Variants in HSF2 observed in about 807,000 individuals in gnomAD.
The protein encoded by HSF2 is heat shock transcription factor 2.
HSF2 carries 21 observed loss-of-function variants against 65.0 expected under a neutral mutation model. That is an observed-to-expected ratio of 0.32 (90% CI 0.23 to 0.47). The LOEUF (loss-of-function observed/expected upper bound fraction) is 0.47, where lower values mean the gene tolerates loss of function less well. HSF2 is among the 20% of genes least tolerant of loss of function. HSF2 has a pLI of 1.00. For missense variants in HSF2, 499 were observed against 628.1 expected (o/e 0.79, Z 2.20); for synonymous variants, 225 against 219.1 (o/e 1.03, Z -0.24).
chr6:122,407,068 G>C lies in HSF2; in HGVS notation c.94-5305G>C, dbSNP rs565013053. Among the ~76,000 whole-genome samples the C allele has an allele frequency of 2.0e-5, 3 of 152,254 alleles. No homozygotes were observed. In the South Asian group the frequency reaches 6.2e-4, roughly 32 times the overall value. On this transcript the variant is annotated intron_variant, in intron 1 of 12. Coordinates refer to ENST00000368455, the MANE Select transcript of HSF2 (RefSeq NM_004506.4). Reference sequence around the variant, plus strand: ...GTGAAGATAGAAGGAACCAAAAGATGTATTATTCCAACATTTAGAGAGTAT... The same window carrying C: ...GTGAAGATAGAAGGAACCAAAAGATCTATTATTCCAACATTTAGAGAGTAT...
intron 11 of HSF2, among the ~76,000 whole-genome samples, chr6:122,429,199 T>C (rs984775455): frequency 5.3e-5 from 8 of 152,084 alleles, no homozygotes; most frequent in South Asian, 2.1e-4. Context: ...CTGAATGTTA[T>C]TCTCATGGAC....
chr6:122,432,257 C>G lies in HSF2; in HGVS notation c.*37C>G. 6.9e-7 allele frequency: 1 copy of G among 1,455,574 alleles called. No individual in the cohort carries two copies. The allele number at this position is 1,455,574 out of a possible 1,614,324, so 90.2% of individuals were successfully genotyped here. On this transcript the variant is annotated 3_prime_UTR_variant, in exon 13 of 13. Transcript: ENST00000368455. The stretch of plus-strand genomic sequence containing the variant: ...GTGGACTTTACATGTATATATTCAT[C>G]AAAATGATGAACTATTTATTTTAAA...
intron 3 of HSF2, 25 bp from the exon 4 acceptor site, chr6:122,413,500 A>T: frequency 6.6e-7 from 1 of 1,522,808 alleles, no homozygotes; most frequent in Non-Finnish European, 9.0e-7. Context: ...TGTTTCTTTG[A>T]TTTTCTAAAT....
chr6:122,412,900 C>T (rs1338973178), intron 3 of HSF2, 136 bp downstream of exon 3: 5 of 798,112 alleles, frequency 6.3e-6, no homozygotes, highest in African/African-American at 1.8e-5. Context: ...TAAAGTTTTA[C>T]TTGTTTCCCT....
At chr6:122,421,844 G>A (rs1774241405) in intron 7 of HSF2, among the ~76,000 whole-genome samples, 2 of 151,932 alleles carry the variant, frequency 1.3e-5, no homozygotes, top group Non-Finnish European at 2.9e-5. Flanking sequence ...TTACTCTTTA[G>A]GCATAAAAAA....
At chr6:122,418,763 C>G (rs998965989) in intron 5 of HSF2, among the ~76,000 whole-genome samples, 1 of 152,146 alleles carries the variant, frequency 6.6e-6, no homozygotes, top group Non-Finnish European at 1.5e-5. Flanking sequence ...TGAGCCACCA[C>G]GCCTGGCCCA....
chr6:122,431,245 A>G (rs1315216838), intron 11 of HSF2, among the ~76,000 whole-genome samples, 185 bp from the exon 12 acceptor site: 2 of 152,086 alleles, frequency 1.3e-5, no homozygotes, highest in Non-Finnish European at 2.9e-5. Flanking sequence ...AGTGACAGCA[A>G]TAGTTCCTTA....
chr6:122,413,836 C>G (rs1223640429), intron 4 of HSF2, among the ~76,000 whole-genome samples, 187 bp downstream of exon 4: 1 of 152,126 alleles, frequency 6.6e-6, no homozygotes, highest in East Asian at 1.9e-4. Context: ...TGACTTTACT[C>G]TAATATTGTT....
At chr6:122,418,388 A>T (rs2114442014) in intron 5 of HSF2, among the ~76,000 whole-genome samples, 1 of 152,316 alleles carries the variant, frequency 6.6e-6, no homozygotes, top group Non-Finnish European at 1.5e-5. Flanking sequence ...CTGTAGTAGG[A>T]TTGAGAATTT....
chr6:122,420,201 A>G lies in HSF2; in HGVS notation c.660A>G (p.Pro220=). The change falls in exon 7 of 13, where the codon CCA becomes CCG. Residue 220 remains proline (P), a synonymous_variant. Coordinates refer to ENST00000368455, the MANE Select transcript of HSF2 (RefSeq NM_004506.4). The stretch of plus-strand genomic sequence containing the variant: ...TGTTTCAGCACATAGTCAAAGAACC[A>G]ACTGATAATCATCATCATAAAGTAA... ...KNLFQHIVKE[P]TDNHHHKVPH... 1 of 1,602,082 alleles carries G rather than the reference A, an allele frequency of 6.2e-7. No homozygotes were observed. Among genetic ancestry groups the G allele is most frequent in the South Asian group, 1.1e-5 (1 of 90,384 alleles).
Position 122,416,225 on chromosome 6 carries a change from A to T in HSF2, c.460A>T (p.Asn154Tyr). 3.1e-6 allele frequency: 5 copies of T among 1,595,802 alleles called. No individual in the cohort carries two copies. Among genetic ancestry groups the T allele is most frequent in the Non-Finnish European group, 4.3e-6 (5 of 1,163,608 alleles). The change falls in exon 5 of 13, where the codon AAT (asparagine) becomes TAT (tyrosine). Residue 154 changes from asparagine to tyrosine, a missense_variant. Coordinates refer to ENST00000368455, the MANE Select transcript of HSF2 (RefSeq NM_004506.4). Reference protein sequence around the residue: ...ESRLSELKSENESLWKEVSEL... With the variant: ...ESRLSELKSEYESLWKEVSEL... ...GCTTAATAAATTATAACATAGTGAG[A>T]ATGAGTCCCTTTGGAAGGAGGTGTC...
intron 5 of HSF2, among the ~76,000 whole-genome samples, chr6:122,418,069 G>C (rs915721711): frequency 6.6e-6 from 1 of 152,100 alleles, no homozygotes; most frequent in African/African-American, 2.4e-5. Context: ...CTGTACAATA[G>C]ATATTTTTAA....
Position 122,407,961 on chromosome 6 carries a change from CAG to C in HSF2, c.94-4387_94-4386del, listed in dbSNP as rs10534323. Reference sequence around the variant, plus strand: ...CCTTCTCTCTGTGTCTTCCCAATGGCAGAGAGAGAGAGAGAGAGAGAGAGAGT... The same window carrying C: ...CCTTCTCTCTGTGTCTTCCCAATGGCAGAGAGAGAGAGAGAGAGAGAGAGT... On this transcript the variant is annotated intron_variant, in intron 1 of 12. Transcript: ENST00000368455. Among the ~76,000 whole-genome samples the C allele has an allele frequency of 3.9e-3, 584 of 149,598 alleles. 3 individuals carry two copies. Among genetic ancestry groups the C allele is most frequent in the South Asian group, 0.018 (84 of 4,712 alleles).
intron 1 of HSF2, among the ~76,000 whole-genome samples, 170 bp downstream of exon 1, chr6:122,400,000 G>C (rs1468471910): frequency 6.6e-6 from 1 of 152,118 alleles, no homozygotes; most frequent in East Asian, 1.9e-4. Context: ...TTCGCTCGGG[G>C]AGCCGCGGGG....
intron 4 of HSF2, among the ~76,000 whole-genome samples, chr6:122,414,509 T>C (rs1774077708): frequency 6.6e-6 from 1 of 152,228 alleles, no homozygotes. Context: ...GTATGTATCT[T>C]GTGTATACTA....
At chr6:122,417,290 A>G (rs1023599570) in intron 5 of HSF2, among the ~76,000 whole-genome samples, 1 of 152,182 alleles carries the variant, frequency 6.6e-6, no homozygotes, top group Non-Finnish European at 1.5e-5. Flanking sequence ...TTGACTTAAA[A>G]CAATAGATGT....
intron 1 of HSF2, among the ~76,000 whole-genome samples, chr6:122,406,703 C>T (rs1343582743): frequency 6.6e-6 from 1 of 152,100 alleles, no homozygotes; most frequent in Non-Finnish European, 1.5e-5. Flanking sequence ...CAGGATAAAT[C>T]CATTTGCTGA....
In HSF2 at chr6:122,412,791, T is replaced by G. The variant is rs759362192; in HGVS notation, c.330+27T>G. 4 of 1,609,884 alleles carry G rather than the reference T, an allele frequency of 2.5e-6. No homozygotes were observed. The African/African-American group carries it at 5.3e-5, about 22-fold the overall frequency. On this transcript the variant is annotated intron_variant, in intron 3 of 12. Coordinates refer to ENST00000368455, the MANE Select transcript of HSF2 (RefSeq NM_004506.4). ...TGAGCTATTGTGAACGTGAGCTAATTAGGGTATTGACCTGGAGTGTGCTTG... is the reference window on the plus strand; with the variant it reads ...TGAGCTATTGTGAACGTGAGCTAATGAGGGTATTGACCTGGAGTGTGCTTG...
rs1774016221 is a variant in HSF2 at position 122,412,310 on chromosome 6, A to G, written c.94-63A>G. The G allele has an allele frequency of 1.1e-5, 10 of 939,498 alleles. No individual in the cohort carries two copies. In the South Asian group the frequency reaches 1.2e-4, roughly 11 times the overall value. The allele number at this position is 939,498 out of a possible 1,614,324, so 58.2% of individuals were successfully genotyped here. A position where few individuals can be genotyped will look rare whatever the true frequency, so the allele number is the denominator to read the frequency against. On this transcript the variant is annotated intron_variant, in intron 1 of 12. Transcript: ENST00000368455. ...CAAGACAGTTGTGGGATGTATAAATATATCACCATGTGTCATAGGAACTTA... is the reference window on the plus strand; with the variant it reads ...CAAGACAGTTGTGGGATGTATAAATGTATCACCATGTGTCATAGGAACTTA...
Sources: gnomAD v4.1 joint callset for allele counts (sites outside exome capture counted in the v4.1 genomes callset) on GRCh38, gnomAD v4.1.1 for gene constraint, MANE v1.5 for transcripts, NCBI Gene and HGNC (gene_info 2026-07-23, HGNC 2026-07-21) for gene names.